The following CRY2 variants were observed in gnomAD, a reference collection of about 807,000 sequenced individuals.
CRY2 encodes cryptochrome circadian regulator 2.
In CRY2, 31 loss-of-function variants were observed where a neutral mutation model predicts 69.5. That is an observed-to-expected ratio of 0.45 (90% CI 0.34 to 0.60). CRY2 has a LOEUF of 0.60. Ranked by LOEUF, CRY2 falls within the 20% of genes least tolerant of loss-of-function variation. CRY2 has a pLI of 0.02. For missense variants in CRY2, 606 were observed against 797.8 expected (o/e 0.76, Z 2.90); for synonymous variants, 303 against 312.2 (o/e 0.97, Z 0.31).
At position 45,882,465 on chromosome 11, in the gene CRY2, G is replaced by A. The variant is rs2134657487; in HGVS notation, c.*1554G>A. The A allele has an allele frequency of 2.5e-6, 1 of 397,520 alleles. No individual in the cohort carries two copies. Among genetic ancestry groups the A allele is most frequent in the Non-Finnish European group, 4.4e-6 (1 of 225,612 alleles). 24.6% of individuals were successfully genotyped at this position (397,520 alleles called of 1,614,324 possible). A position where few individuals can be genotyped will look rare whatever the true frequency, so the allele number is the denominator to read the frequency against. The stretch of plus-strand genomic sequence containing the variant: ...TGTCCCTCACTGTCCTCTGTCCTTG[G>A]ACCAGAACCCTGGGGTCAGACCCAT... On this transcript the variant is annotated 3_prime_UTR_variant, in exon 12 of 12. Transcript: ENST00000616080.
intron 5 of CRY2, among the ~76,000 whole-genome samples, chr11:45,865,752 A>AG (rs149771222): frequency 9.2e-5 from 14 of 152,302 alleles, no homozygotes; most frequent in African/African-American, 3.4e-4. Flanking sequence ...CTCAAAAAAA[A>AG]GGGGCAAGAG....
chr11:45,875,471 G>A lies in CRY2; in HGVS notation c.*2+3238G>A, dbSNP rs180694330. 1.1e-4 allele frequency among the ~76,000 whole-genome samples: 17 copies of A among 152,326 alleles called. No homozygotes were observed. In the East Asian group the frequency reaches 3.3e-3, roughly 29 times the overall value. The stretch of plus-strand genomic sequence containing the variant: ...GGAACAGGTTGGGGAGAGAAAGTCA[G>A]CTGAGAGGCTTGACAGTGATTCCAA... On this transcript the variant is annotated intron_variant, in intron 11 of 11. Coordinates refer to ENST00000616080, the MANE Select transcript of CRY2 (RefSeq NM_021117.5).
chr11:45,862,419 G>T (rs750214736), intron 5 of CRY2, among the ~76,000 whole-genome samples: 5 of 152,332 alleles, frequency 3.3e-5, no homozygotes, highest in Admixed American at 2.0e-4. Context: ...TGCAAGGTAG[G>T]TACTAAGCTG....
chr11:45,867,788 G>A (rs372248117), intron 6 of CRY2, 36 bp downstream of exon 6: 3 of 1,613,138 alleles, frequency 1.9e-6, no homozygotes, highest in Non-Finnish European at 2.5e-6. Flanking sequence ...TGCACCTAAG[G>A]CCTGCAGCCA....
At chr11:45,870,573 C>T (rs1456725713) in intron 9 of CRY2, 41 bp downstream of exon 9, 1 of 1,603,548 alleles carries the variant, frequency 6.2e-7, no homozygotes, top group Non-Finnish European at 8.5e-7. Context: ...GGAAGGACAG[C>T]ACCTACAGGC....
At chr11:45,863,117 AC>A (rs2086301273) in intron 5 of CRY2, among the ~76,000 whole-genome samples, 1 of 152,204 alleles carries the variant, frequency 6.6e-6, no homozygotes, top group African/African-American at 2.4e-5. Context: ...CGATGTTTCT[AC>A]CTGGTTGTTT....
At position 45,855,758 on chromosome 11, in the gene CRY2, C is replaced by T. The variant is rs559577565; in HGVS notation, c.216-224C>T. Among the ~76,000 whole-genome samples the T allele has an allele frequency of 2.6e-5, 4 of 152,304 alleles. No individual in the cohort carries two copies. In the South Asian group the frequency reaches 8.3e-4, roughly 32 times the overall value. On this transcript the variant is annotated intron_variant, in intron 1 of 11. Coordinates refer to ENST00000616080, the MANE Select transcript of CRY2 (RefSeq NM_021117.5). Reference sequence around the variant, plus strand: ...AACAGGCAAAGAGGTTAGGTTATTGCCTAAAGTCACACAGCTAGTAAGTGG... The same window carrying T: ...AACAGGCAAAGAGGTTAGGTTATTGTCTAAAGTCACACAGCTAGTAAGTGG...
chr11:45,870,605 T>A, intron 9 of CRY2, 73 bp downstream of exon 9: 1 of 1,541,188 alleles, frequency 6.5e-7, no homozygotes, highest in Non-Finnish European at 8.9e-7. Flanking sequence ...GATGGGGATG[T>A]CCAGATACTT....
chr11:45,859,422 C>T (rs144063599), intron 3 of CRY2, among the ~76,000 whole-genome samples: 1 of 152,166 alleles, frequency 6.6e-6, no homozygotes, highest in Non-Finnish European at 1.5e-5. Context: ...ATTAGCCATG[C>T]ATGGTGGGAC....
At chr11:45,874,177 G>A (rs941720055) in intron 11 of CRY2, among the ~76,000 whole-genome samples, 4 of 152,118 alleles carry the variant, frequency 2.6e-5, no homozygotes, top group African/African-American at 7.2e-5. Context: ...CTACTCGGGA[G>A]GCTGGGGCAA....
At chr11:45,872,284 G>C in intron 11 of CRY2, 51 bp downstream of exon 11, 1 of 1,540,330 alleles carries the variant, frequency 6.5e-7, no homozygotes, top group Non-Finnish European at 9.0e-7. Context: ...TGGGAGTGGG[G>C]GGGCCTACTG....
intron 1 of CRY2, among the ~76,000 whole-genome samples, chr11:45,855,641 G>T (rs2086233447): frequency 1.3e-5 from 2 of 152,236 alleles, no homozygotes; most frequent in Admixed American, 1.3e-4. Context: ...GCCAGGCACA[G>T]TGCTAAATGT....
chr11:45,847,333 G>C, upstream of CRY2: 3 of 1,591,270 alleles, frequency 1.9e-6, no homozygotes, highest in Non-Finnish European at 2.6e-6. Context: ...CCAATCGCCA[G>C]GTGGAAGGCA....
At chr11:45,871,335 C>A (rs920791539) in intron 10 of CRY2, among the ~76,000 whole-genome samples, 7 of 152,160 alleles carry the variant, frequency 4.6e-5, no homozygotes, top group African/African-American at 1.7e-4. Context: ...GAAGGGAGGT[C>A]AGTGTAGCGG....
chr11:45,862,367 G>A (rs1011645286), intron 5 of CRY2, among the ~76,000 whole-genome samples: 3 of 152,092 alleles, frequency 2.0e-5, no homozygotes, highest in Non-Finnish European at 4.4e-5. Context: ...GCATTTCTGG[G>A]TTAAGCACCT....
intron 5 of CRY2, among the ~76,000 whole-genome samples, chr11:45,867,024 A>C (rs2086336852): frequency 6.6e-6 from 1 of 152,236 alleles, no homozygotes; most frequent in Admixed American, 6.5e-5. Flanking sequence ...AGGAAAGTAA[A>C]GTCCTATGCC....
chr11:45,847,538 G>A lies in CRY2; in HGVS notation c.48G>A (p.Ala16=). ...CGGCAGCTGTGGCCCCGGCGCCAGC[G>A]CCCGGCACGGACAGCGCCTCTTCGG... ...ATAAAVAPAP[A]PGTDSASSVH... Residue 16 remains alanine (A), a synonymous_variant, in exon 1 of 12, where the codon GCG becomes GCA. Coordinates refer to ENST00000616080, the MANE Select transcript of CRY2 (RefSeq NM_021117.5). The A allele has an allele frequency of 1.3e-6, 2 of 1,586,708 alleles. No individual in the cohort carries two copies. Among genetic ancestry groups the A allele is most frequent in the South Asian group, 2.3e-5 (2 of 88,460 alleles).
intron 11 of CRY2, among the ~76,000 whole-genome samples, chr11:45,877,712 CT>C (rs749890821): frequency 8.9e-4 from 135 of 152,328 alleles, no homozygotes; most frequent in Non-Finnish European, 1.5e-3. Context: ...CTTCCCTTCC[CT>C]TTAGTCCTGC....
chr11:45,872,332 G>A, intron 11 of CRY2, 99 bp downstream of exon 11: 1 of 1,146,206 alleles, frequency 8.7e-7, no homozygotes, highest in South Asian at 1.4e-5. Flanking sequence ...CAAACTAGAT[G>A]AAAATCTGGT....
Sources: gnomAD v4.1 joint callset for allele counts (sites outside exome capture counted in the v4.1 genomes callset) on GRCh38, gnomAD v4.1.1 for gene constraint, MANE v1.5 for transcripts, NCBI Gene and HGNC (gene_info 2026-07-23, HGNC 2026-07-21) for gene names.